Variants in MBNL3 observed in about 807,000 individuals in gnomAD.
The protein encoded by MBNL3 is muscleblind like splicing regulator 3, also known as muscleblind-like protein 3.
A neutral mutation model predicts 24.5 loss-of-function variants in MBNL3; 6 were observed. The ratio of observed to expected loss-of-function variants is 0.25; its 90% CI spans 0.13 to 0.48. MBNL3 has a LOEUF of 0.48. MBNL3 is among the 20% of genes least tolerant of loss of function. MBNL3 has a pLI of 0.99. For synonymous variants in MBNL3, 100 were observed against 101.7 expected (o/e 0.98, Z 0.10); for missense variants, 230 against 293.5 (o/e 0.78, Z 1.58).
chrX:132,421,126 C>T (rs1943777908), intron 2 of MBNL3, among the ~76,000 whole-genome samples: 1 of 111,373 alleles, frequency 9.0e-6, no homozygotes, highest in Non-Finnish European at 1.9e-5. Context: ...AATTCCTGCC[C>T]CTACATACTT....
intron 2 of MBNL3, among the ~76,000 whole-genome samples, chrX:132,412,864 C>T (rs1042896980): frequency 8.9e-5 from 10 of 112,434 alleles, no homozygotes; most frequent in South Asian, 3.6e-4. Flanking sequence ...AAAACCCAAA[C>T]ACAACGAAGC....
chrX:132,382,623 A>G (rs1238497017), intron 7 of MBNL3, among the ~76,000 whole-genome samples: 1 of 112,315 alleles, frequency 8.9e-6, no homozygotes, highest in Non-Finnish European at 1.9e-5. Context: ...CAAAAATCCA[A>G]TGTTACAAGG....
chrX:132,431,878 T>C (rs952279758), intron 2 of MBNL3: 1 of 111,892 alleles, frequency 8.9e-6, no homozygotes, highest in Non-Finnish European at 1.9e-5. Context: ...AGTGAGAAAA[T>C]AGGCTCTCAT....
intron 4 of MBNL3, 132 bp downstream of exon 4, chrX:132,392,011 T>A: frequency 2.0e-6 from 1 of 495,505 alleles, no homozygotes; most frequent in Non-Finnish European, 3.2e-6. Context: ...AGTACTAAAA[T>A]GTTTAACAAC....
intron 3 of MBNL3, among the ~76,000 whole-genome samples, chrX:132,393,934 T>C (rs1197192673): frequency 9.0e-6 from 1 of 111,651 alleles, no homozygotes; most frequent in Non-Finnish European, 1.9e-5. Flanking sequence ...GACTTGAAAT[T>C]GTCACCCACA....
chrX:132,439,342 CTAT>C (rs1945285506), intron 2 of MBNL3, 90 bp downstream of exon 2: 5 of 950,673 alleles, frequency 5.3e-6, no homozygotes, highest in Non-Finnish European at 4.2e-6. Flanking sequence ...CACTTTCATG[CTAT>C]TATTAATTTT....
intron 1 of MBNL3, among the ~76,000 whole-genome samples, chrX:132,473,045 ACAGGG>A (rs769125961): frequency 1.8e-5 from 2 of 112,084 alleles, no homozygotes; most frequent in East Asian, 5.6e-4. Flanking sequence ...CAACTTGATT[ACAGGG>A]CTGGCTGATT....
chrX:132,398,496 T>C (rs991624705), intron 3 of MBNL3, among the ~76,000 whole-genome samples: 2 of 111,909 alleles, frequency 1.8e-5, no homozygotes, highest in Admixed American at 1.9e-4. Context: ...GTTTGTGGCA[T>C]GGATTGTAGT....
At chrX:132,397,209 C>T (rs1385609412) in intron 3 of MBNL3, among the ~76,000 whole-genome samples, 1 of 108,834 alleles carries the variant, frequency 9.2e-6, no homozygotes, top group East Asian at 2.9e-4. Context: ...AAAGCCACCA[C>T]AGATTGCTCT....
chrX:132,468,127 TG>T (rs1220811474), intron 1 of MBNL3, among the ~76,000 whole-genome samples: 1 of 112,244 alleles, frequency 8.9e-6, no homozygotes, highest in African/African-American at 3.2e-5. Flanking sequence ...ATGGCATCAA[TG>T]CAGTCAAAAA....
At chrX:132,413,413 T>C (rs1427968650) in intron 2 of MBNL3, 1 of 953,138 alleles carries the variant, frequency 1.0e-6, no homozygotes, top group African/African-American at 1.9e-5. Context: ...CCTCTCCCGC[T>C]CTGTTCTTCT....
intron 1 of MBNL3, among the ~76,000 whole-genome samples, chrX:132,450,778 C>T (rs1282926137): frequency 8.9e-6 from 1 of 112,413 alleles, no homozygotes; most frequent in African/African-American, 3.2e-5. Flanking sequence ...CCTTTGTGTG[C>T]TGGTTTTTCT....
Position 132,371,380 on chromosome X carries a change from T to C in MBNL3, c.*8286A>G, listed in dbSNP as rs1406756282. ...GTTCCAGATTCGCATTTTTGAAGCA[T>C]TTTGAAATAAGGCAGAATAAAGTAT... On this transcript the variant is annotated 3_prime_UTR_variant, in exon 9 of 9. Transcript: ENST00000370853. 8.9e-6 allele frequency: 1 copy of C among 112,520 alleles called. No homozygotes were observed. Among genetic ancestry groups the C allele is most frequent in the East Asian group, 2.8e-4 (1 of 3,600 alleles). 9.3% of individuals were successfully genotyped at this position (112,520 alleles called of 1,213,427 possible).
At chrX:132,396,837 T>G (rs1395255291) in intron 3 of MBNL3, among the ~76,000 whole-genome samples, 1 of 59,889 alleles carries the variant, frequency 1.7e-5, no homozygotes, top group Non-Finnish European at 2.7e-5. Context: ...CATATATATA[T>G]TCATATATAC....
intron 2 of MBNL3, among the ~76,000 whole-genome samples, chrX:132,416,306 G>GATC (rs1258009579): frequency 1.8e-5 from 2 of 111,300 alleles, no homozygotes; most frequent in African/African-American, 6.6e-5. Context: ...GGCACAGAAA[G>GATC]ATCAATACTG....
intron 2 of MBNL3, among the ~76,000 whole-genome samples, chrX:132,409,751 ACTCT>A (rs753041560): frequency 9.2e-6 from 1 of 109,041 alleles, no homozygotes; most frequent in South Asian, 4.0e-4. Flanking sequence ...ATGAAAATCA[ACTCT>A]CTCTCTCTCC....
intron 1 of MBNL3, among the ~76,000 whole-genome samples, chrX:132,441,183 T>C (rs777013595): frequency 9.8e-5 from 11 of 112,321 alleles, no homozygotes; most frequent in African/African-American, 1.3e-4. Flanking sequence ...CTGTGTAACT[T>C]TGCCTTCTTA....
At chrX:132,401,298 A>G (rs957153205) in intron 3 of MBNL3, among the ~76,000 whole-genome samples, 68 of 111,338 alleles carry the variant, frequency 6.1e-4, no homozygotes, top group African/African-American at 2.0e-3. Context: ...TTCAAGTACT[A>G]TATCATTTAA....
At chrX:132,404,318 C>A (rs1247494150) in intron 3 of MBNL3, among the ~76,000 whole-genome samples, 1 of 112,153 alleles carries the variant, frequency 8.9e-6, no homozygotes, top group African/African-American at 3.2e-5. Context: ...TCTGGACTTA[C>A]CAAGCACGAT....
Sources: allele counts gnomAD v4.1 joint callset (sites outside exome capture counted in the v4.1 genomes callset), GRCh38; gene constraint gnomAD v4.1.1; transcripts MANE v1.5; gene names NCBI Gene and HGNC (gene_info 2026-07-23, HGNC 2026-07-21).